Variants in LCMT1 observed in about 807,000 individuals in gnomAD.
LCMT1 encodes [Phosphatase 2A protein]-leucine-carboxy methyltransferase 1.
Under a neutral mutation model 47.7 loss-of-function variants are expected in LCMT1, and 32 were observed. That is an observed-to-expected ratio of 0.67 (90% CI 0.51 to 0.90). The LOEUF (loss-of-function observed/expected upper bound fraction) is 0.90, where lower values mean the gene tolerates loss of function less well. LCMT1 is among the 40% of genes least tolerant of loss of function. The pLI is 0.00. For missense variants in LCMT1, 375 were observed against 415.2 expected, an observed-to-expected ratio of 0.90 and a Z score of 0.84; for synonymous variants, 152 against 149.7, an observed-to-expected ratio of 1.02 and a Z score of -0.11.
chr16:25,149,447 G>C lies in LCMT1; in HGVS notation c.405-2107G>C, dbSNP rs776689860. 7.2e-4 allele frequency among the ~76,000 whole-genome samples: 109 copies of C among 152,176 alleles called. 1 individual carries two copies. The highest frequency in any genetic ancestry group is 2.7e-3 in the Admixed American group (42 of 15,274). On this transcript the variant is annotated intron_variant, in intron 4 of 10. Coordinates refer to ENST00000399069, the MANE Select transcript of LCMT1 (RefSeq NM_016309.3). ...GCTAGTTCCTGGGATTCTTTAAGTA[G>C]AAGGTCTGGTTAAACATGAAGAAGG...
chr16:25,164,015 G>T (rs1465837799), intron 6 of LCMT1, among the ~76,000 whole-genome samples: 1 of 152,130 alleles, frequency 6.6e-6, no homozygotes, highest in Non-Finnish European at 1.5e-5. Context: ...TGGACAGTGG[G>T]CAGGCCAGCT....
intron 1 of LCMT1, 37 bp downstream of exon 1, chr16:25,112,033 G>A (rs1256330271): frequency 4.2e-6 from 6 of 1,433,464 alleles, no homozygotes; most frequent in South Asian, 1.2e-5. Flanking sequence ...CCGGCATCTG[G>A]GGCGCGGGCC....
intron 9 of LCMT1, among the ~76,000 whole-genome samples, chr16:25,173,485 C>CA (rs1961835432): frequency 6.6e-6 from 1 of 152,184 alleles, no homozygotes; most frequent in Non-Finnish European, 1.5e-5. Flanking sequence ...GGAATGAACT[C>CA]ACAAATACAG....
At chr16:25,136,004 T>C (rs926314046) in intron 3 of LCMT1, among the ~76,000 whole-genome samples, 3 of 146,156 alleles carry the variant, frequency 2.1e-5, no homozygotes, top group African/African-American at 7.7e-5. Flanking sequence ...GGTGGGAGGA[T>C]CACCTGAGCC....
intron 5 of LCMT1, among the ~76,000 whole-genome samples, chr16:25,157,322 TC>T (rs1427401150): frequency 6.6e-6 from 1 of 151,942 alleles, no homozygotes; most frequent in African/African-American, 2.4e-5. Flanking sequence ...GGCAGGAGGA[TC>T]CCTTGAGCCC....
rs558031956 is a variant in LCMT1, at chr16:25,160,502, A to C, written c.467-600A>C. ...ACACAAATTGGCGTAACATTTAGAG[A>C]GCAGCCTGCTAATGGGTCCCCATAT... On this transcript the variant is annotated intron_variant, in intron 5 of 10. Coordinates refer to ENST00000399069, the MANE Select transcript of LCMT1 (RefSeq NM_016309.3). Among the ~76,000 whole-genome samples the C allele has an allele frequency of 5.9e-5, 9 of 152,338 alleles. No individual in the cohort carries two copies. The South Asian group carries it at 1.9e-3, about 32-fold the overall frequency.
At chr16:25,151,906 TGCTCA>T (rs1961093902) in intron 5 of LCMT1, among the ~76,000 whole-genome samples, 1 of 150,310 alleles carries the variant, frequency 6.7e-6, no homozygotes, top group South Asian at 2.1e-4. Flanking sequence ...GAGGAATTTA[TGCTCA>T]GCCAGGTGGG....
intron 1 of LCMT1, among the ~76,000 whole-genome samples, chr16:25,122,433 C>T (rs774173184): frequency 6.6e-6 from 1 of 152,172 alleles, no homozygotes. Context: ...CTCACCCTCC[C>T]GAGTAGCTGG....
chr16:25,113,128 G>A (rs1959676950), intron 1 of LCMT1, among the ~76,000 whole-genome samples: 1 of 111,054 alleles, frequency 9.0e-6, no homozygotes, highest in South Asian at 3.1e-4. Flanking sequence ...ATGAGAGTGC[G>A]AGACTATGTC....
At chr16:25,171,398 CA>C (rs1165817106) in intron 9 of LCMT1, among the ~76,000 whole-genome samples, 1 of 151,790 alleles carries the variant, frequency 6.6e-6, no homozygotes, top group Non-Finnish European at 1.5e-5. Flanking sequence ...TGCGACAGAG[CA>C]AGACTGCTTC....
At chr16:25,168,846 G>A (rs1272283580) in intron 7 of LCMT1, among the ~76,000 whole-genome samples, 1 of 152,154 alleles carries the variant, frequency 6.6e-6, no homozygotes, top group Admixed American at 6.5e-5. Context: ...GAGTGTGTCT[G>A]TAGGATAGAT....
At chr16:25,167,834 C>T (rs1961631098) in intron 7 of LCMT1, among the ~76,000 whole-genome samples, 1 of 152,098 alleles carries the variant, frequency 6.6e-6, no homozygotes, top group Admixed American at 6.5e-5. Flanking sequence ...GATCTTGGCT[C>T]ATTGCAACCT....
rs1474602865 is a variant in LCMT1 at position 25,132,457 on chromosome 16, G to A, written c.261G>A (p.Lys87=). 2 of 1,613,802 alleles carry A rather than the reference G, an allele frequency of 1.2e-6. No individual in the cohort carries two copies. The highest frequency in any genetic ancestry group is 1.7e-6 in the Non-Finnish European group (2 of 1,179,876). The change falls in exon 3 of 11, where the codon AAG becomes AAA. Residue 87 remains lysine, a synonymous_variant. Coordinates refer to ENST00000399069, the MANE Select transcript of LCMT1 (RefSeq NM_016309.3). ...VSQLIKAFLR[K]TECHCQIVNL... ...AGCTTATAAAGGCATTTCTACGGAAGACAGAATGTCATTGTCAAATTGTCA... is the reference window on the plus strand; with the variant it reads ...AGCTTATAAAGGCATTTCTACGGAAAACAGAATGTCATTGTCAAATTGTCA...
At chr16:25,158,883 G>T (rs1961339248) in intron 5 of LCMT1, 1 of 152,202 alleles carries the variant, frequency 6.6e-6, no homozygotes, top group Non-Finnish European at 1.5e-5. Context: ...GGGATCTCAA[G>T]GTCGTCTTGT....
At chr16:25,172,151 C>CA (rs1049303244) in intron 9 of LCMT1, among the ~76,000 whole-genome samples, 40 of 151,912 alleles carry the variant, frequency 2.6e-4, no homozygotes, top group African/African-American at 8.4e-4. Context: ...ACTAAAAATA[C>CA]AAAAAATTAG....
At chr16:25,144,767 C>G (rs1309072682) in intron 4 of LCMT1, 3 of 152,166 alleles carry the variant, frequency 2.0e-5, no homozygotes, top group East Asian at 3.9e-4. Context: ...TGCCCTCCAG[C>G]AGCCAGGCCG....
At chr16:25,112,045 A>C (rs764245710) in intron 1 of LCMT1, 49 bp downstream of exon 1, 2 of 1,202,166 alleles carry the variant, frequency 1.7e-6, no homozygotes, top group East Asian at 4.8e-5. Context: ...GCGCGGGCCT[A>C]GGTGGGAGGT....
intron 6 of LCMT1, among the ~76,000 whole-genome samples, chr16:25,164,156 A>G (rs1345962440): frequency 6.6e-6 from 1 of 152,150 alleles, no homozygotes; most frequent in Non-Finnish European, 1.5e-5. Context: ...GCAAGCACCA[A>G]TGTGCAAGTG....
At position 25,120,619 on chromosome 16, in the gene LCMT1, G is replaced by A. The variant is rs1959945622; in HGVS notation, c.114-7856G>A. ...CTAATTTTTGTATTTTAGTAGAGAC[G>A]GGGTTTCACCATGTAGCCAGTCTGT... On this transcript the variant is annotated intron_variant, in intron 1 of 10. Transcript: ENST00000399069. Among the ~76,000 whole-genome samples the A allele has an allele frequency of 3.9e-5, 6 of 151,906 alleles. No homozygotes were observed. The South Asian group carries it at 1.2e-3, about 32-fold the overall frequency.
Sources: gnomAD v4.1 joint callset for allele counts (sites outside exome capture counted in the v4.1 genomes callset) on GRCh38, gnomAD v4.1.1 for gene constraint, MANE v1.5 for transcripts, NCBI Gene and HGNC (gene_info 2026-07-23, HGNC 2026-07-21) for gene names.